The following VWDE variants were observed in gnomAD, a reference collection of about 807,000 sequenced individuals.
The protein encoded by VWDE is von Willebrand factor D and EGF domains, also known as von Willebrand factor D and EGF domain-containing protein.
VWDE carries 207 observed loss-of-function variants against 178.4 expected under a neutral mutation model. The ratio of observed to expected loss-of-function variants is 1.16; its 90% CI spans 1.04 to 1.30. The LOEUF is 1.30. VWDE is among the 50% of genes most tolerant of loss of function. VWDE has a pLI of 0.00. For synonymous variants in VWDE, 738 were observed against 651.4 expected (o/e 1.13, Z -2.02); for missense variants, 2,287 against 1,901.3 (o/e 1.20, Z -3.77).
Position 12,336,973 on chromosome 7 carries a change from G to T in VWDE, c.4558+15C>A, listed in dbSNP as rs1238547893. On this transcript the variant is annotated intron_variant, in intron 26 of 28. Transcript: ENST00000275358. The stretch of plus-strand genomic sequence containing the variant: ...AAGGACGAAAGCTTCAGTGTTTTAA[G>T]AGTATTCCTCTTACGTGTGTTGCAT... 5.8e-6 allele frequency: 9 copies of T among 1,543,158 alleles called. No homozygotes were observed. Among genetic ancestry groups the T allele is most frequent in the South Asian group, 1.2e-5 (1 of 82,994 alleles).
intron 13 of VWDE, among the ~76,000 whole-genome samples, chr7:12,366,590 T>A (rs1477589522): frequency 1.3e-5 from 2 of 152,150 alleles, no homozygotes; most frequent in East Asian, 3.9e-4. Context: ...GAAGTTAGCA[T>A]ACTTGTGTTT....
At chr7:12,382,527 G>A (rs1194098783) in intron 4 of VWDE, among the ~76,000 whole-genome samples, 4 of 151,624 alleles carry the variant, frequency 2.6e-5, no homozygotes, top group Admixed American at 2.6e-4. Context: ...TAAATTTTGA[G>A]GATTATTATA....
Position 12,336,060 on chromosome 7 carries a change from C to G in VWDE, c.4654+81G>C, listed in dbSNP as rs554629821. 48 of 1,257,872 alleles carry G rather than the reference C, an allele frequency of 3.8e-5. No individual in the cohort carries two copies. The African/African-American group carries it at 6.5e-4, about 17-fold the overall frequency. The allele number at this position is 1,257,872 out of a possible 1,614,324, so 77.9% of individuals were successfully genotyped here. A position where few individuals can be genotyped will look rare whatever the true frequency, so the allele number is the denominator to read the frequency against. Reference sequence around the variant, plus strand: ...GCTGGAGTTTTTTCCCCCTTATGGACTTGTCCTAAAGCTATACTTTAATTA... The same window carrying G: ...GCTGGAGTTTTTTCCCCCTTATGGAGTTGTCCTAAAGCTATACTTTAATTA... On this transcript the variant is annotated intron_variant, in intron 27 of 28. Coordinates refer to ENST00000275358, the MANE Select transcript of VWDE (RefSeq NM_001135924.3).
intron 18 of VWDE, among the ~76,000 whole-genome samples, chr7:12,355,552 C>G (rs928858365): frequency 2.0e-5 from 3 of 152,026 alleles, no homozygotes; most frequent in Non-Finnish European, 2.9e-5. Context: ...ATATTTACAT[C>G]TATTAAATGT....
rs1022025571 is a variant in VWDE, at chr7:12,361,132, GA to G, written c.3159+14del. On this transcript the variant is annotated intron_variant, in intron 15 of 28. Coordinates refer to ENST00000275358, the MANE Select transcript of VWDE (RefSeq NM_001135924.3). ...CTATGATGTAAATGTGAAAATACAT[GA>G]AAAAAATACATACCTTTATAGTACA... 34 of 1,443,218 alleles carry G rather than the reference GA, an allele frequency of 2.4e-5. No individual in the cohort carries two copies. Among genetic ancestry groups the G allele is most frequent in the Middle Eastern group, 1.9e-4 (1 of 5,174 alleles). The allele number at this position is 1,443,218 out of a possible 1,614,324, so 89.4% of individuals were successfully genotyped here.
rs59069453 is a variant in VWDE at position 12,374,951 on chromosome 7, T to C, written c.1242+59A>G. On this transcript the variant is annotated intron_variant, in intron 8 of 28. Transcript: ENST00000275358. Reference sequence around the variant, plus strand: ...ATAAAAAGTTTATAAGACATAATGATAAAATACACATTTCTTCTTAAAGCT... The same window carrying C: ...ATAAAAAGTTTATAAGACATAATGACAAAATACACATTTCTTCTTAAAGCT... 3,421 of 1,473,004 alleles carry C rather than the reference T, an allele frequency of 2.3e-3. 73 individuals carry two copies. In the African/African-American group the frequency reaches 0.043, roughly 18 times the overall value. The allele number at this position is 1,473,004 out of a possible 1,614,324, so 91.2% of individuals were successfully genotyped here.
At chr7:12,340,924 G>A (rs1415025247) in intron 23 of VWDE, among the ~76,000 whole-genome samples, 1 of 152,084 alleles carries the variant, frequency 6.6e-6, no homozygotes, top group African/African-American at 2.4e-5. Flanking sequence ...AACATTCTTT[G>A]TTTTTGCTTC....
In VWDE at chr7:12,357,398, A is replaced by G. The variant is rs1469269987; in HGVS notation, c.3392T>C (p.Leu1131Ser). ...DPEGSDIHFT[L>S]DSGPEGASVS... ...ACTTGCCCCTTCAGGACCAGAGTCC[A>G]ACGTAAAATGGATGTCAGAACCTTC... is the stretch of plus-strand genomic sequence containing the variant. Residue 1131 changes from leucine (L) to serine (S), a missense_variant, in exon 17 of 29, where the codon TTG becomes TCG. Transcript: ENST00000275358. The G allele has an allele frequency of 1.3e-6, 2 of 1,551,986 alleles. No homozygotes were observed. The highest frequency in any genetic ancestry group is 1.7e-6 in the Non-Finnish European group (2 of 1,147,072).
At chr7:12,391,455 G>A (rs1333335754) in intron 2 of VWDE, among the ~76,000 whole-genome samples, 1 of 152,184 alleles carries the variant, frequency 6.6e-6, no homozygotes, top group Admixed American at 6.5e-5. Flanking sequence ...TGATCTCCAG[G>A]AAAACAGCCA....
intron 13 of VWDE, among the ~76,000 whole-genome samples, chr7:12,363,426 T>C (rs1160947236): frequency 6.6e-6 from 1 of 152,082 alleles, no homozygotes; most frequent in African/African-American, 2.4e-5. Flanking sequence ...TATTTAATCC[T>C]ATAAATCAGC....
chr7:12,337,323 CA>C (rs1258665370), intron 24 of VWDE, 51 bp from the exon 25 acceptor site: 1 of 1,388,100 alleles, frequency 7.2e-7, no homozygotes, highest in African/African-American at 1.4e-5. Flanking sequence ...CCCATTACTA[CA>C]TATGATACAT....
chr7:12,363,892 T>C (rs1782714562), intron 13 of VWDE, among the ~76,000 whole-genome samples: 1 of 152,006 alleles, frequency 6.6e-6, no homozygotes, highest in Admixed American at 6.6e-5. Flanking sequence ...AGATAACCAC[T>C]CTAAACAGAG....
At chr7:12,348,704 G>C (rs949281382) in intron 19 of VWDE, among the ~76,000 whole-genome samples, 2 of 149,440 alleles carry the variant, frequency 1.3e-5, no homozygotes, top group Non-Finnish European at 3.0e-5. Context: ...AATACCATTT[G>C]ACCCAGCCAT....
At chr7:12,373,308 A>G (rs1160972258) in intron 9 of VWDE, 61 bp from the exon 10 acceptor site, 44 of 1,493,088 alleles carry the variant, frequency 2.9e-5, no homozygotes, top group Non-Finnish European at 3.9e-5. Context: ...ATAGTATGTT[A>G]TTGATTTGCA....
chr7:12,380,512 C>T lies in VWDE; in HGVS notation c.763G>A (p.Gly255Ser). ...VQAFSLLELD[G>S]INLRLGDRIF... ...CTGTCTCCAAGTCTGAGATTTATGC[C>T]ATCAAGTTCTAAAAGAGAGAATGCC... The change falls in exon 5 of 29, where the codon GGC becomes AGC. Residue 255 changes from glycine (G) to serine (S), a missense_variant. Gly to Ser is a moderately conservative substitution (Grantham distance 56). Coordinates refer to ENST00000275358, the MANE Select transcript of VWDE (RefSeq NM_001135924.3). 6.4e-7 allele frequency: 1 copy of T among 1,551,580 alleles called. No homozygotes were observed. Among genetic ancestry groups the T allele is most frequent in the Non-Finnish European group, 8.7e-7 (1 of 1,146,918 alleles).
At position 12,357,625 on chromosome 7, in the gene VWDE, A is replaced by T. The variant is rs535992575; in HGVS notation, c.3275-110T>A. On this transcript the variant is annotated intron_variant, in intron 16 of 28. Coordinates refer to ENST00000275358, the MANE Select transcript of VWDE (RefSeq NM_001135924.3). ...TTTTGATAAAGACTGAACTCTGCTAAAAGGTCTATTAGCTGCTTTCATTTT... is the reference window on the plus strand; with the variant it reads ...TTTTGATAAAGACTGAACTCTGCTATAAGGTCTATTAGCTGCTTTCATTTT... 53 of 1,251,258 alleles carry T rather than the reference A, an allele frequency of 4.2e-5. No homozygotes were observed. In the African/African-American group the frequency reaches 6.7e-4, roughly 16 times the overall value. The allele number at this position is 1,251,258 out of a possible 1,614,324, so 77.5% of individuals were successfully genotyped here.
intron 1 of VWDE, among the ~76,000 whole-genome samples, chr7:12,398,970 A>G (rs549472418): frequency 1.8e-4 from 28 of 152,248 alleles, no homozygotes; most frequent in Non-Finnish European, 1.9e-4. Context: ...TGACAATATC[A>G]TCCATACCTC....
rs567818084 is a variant in VWDE at position 12,398,346 on chromosome 7, C to T, written c.59-4568G>A. The stretch of plus-strand genomic sequence containing the variant: ...CCTTTCTCAGGAAACCATCAGGCCT[C>T]CCAGATGGTATCAAGGAACTGAAAC... On this transcript the variant is annotated intron_variant, in intron 1 of 28. Coordinates refer to ENST00000275358, the MANE Select transcript of VWDE (RefSeq NM_001135924.3). Among the ~76,000 whole-genome samples, 166 of 152,238 alleles carry T rather than the reference C, an allele frequency of 1.1e-3. 2 individuals carry two copies. The highest frequency in any genetic ancestry group is 1.5e-3 in the Non-Finnish European group (102 of 68,012).
At chr7:12,365,401 C>A (rs62448567) in intron 13 of VWDE, among the ~76,000 whole-genome samples, 2,159 of 152,080 alleles carry the variant, frequency 0.014, 28 homozygotes, top group Non-Finnish European at 0.019. Context: ...CTGTGAGTAT[C>A]AAGTTATTCC....
Sources: allele counts gnomAD v4.1 joint callset (sites outside exome capture counted in the v4.1 genomes callset), GRCh38; gene constraint gnomAD v4.1.1; transcripts MANE v1.5; gene names NCBI Gene and HGNC (gene_info 2026-07-23, HGNC 2026-07-21).